The following CHD6 variants were observed in gnomAD, a reference collection of about 807,000 sequenced individuals.
CHD6 encodes chromodomain helicase DNA binding protein 6.
In CHD6, 50 loss-of-function variants were observed where a neutral mutation model predicts 276.9. That is an observed-to-expected ratio of 0.18 (90% CI 0.14 to 0.23). The LOEUF is 0.23. CHD6 is among the 10% of genes least tolerant of loss of function. CHD6 has a pLI of 1.00. For synonymous variants in CHD6, 1,173 were observed against 1,229.3 expected, an observed-to-expected ratio of 0.95 and a Z score of 0.96; for missense variants, 2,564 against 3,365.8, an observed-to-expected ratio of 0.76 and a Z score of 5.89.
chr20:41,578,239 A>C (rs1006038468), intron 1 of CHD6, among the ~76,000 whole-genome samples: 2 of 152,194 alleles, frequency 1.3e-5, no homozygotes, highest in African/African-American at 4.8e-5. Flanking sequence ...GTTACCATAA[A>C]ACTGTTTAAA....
intron 5 of CHD6, among the ~76,000 whole-genome samples, chr20:41,506,644 TTTA>T (rs1971285993): frequency 6.6e-6 from 1 of 152,172 alleles, no homozygotes; most frequent in African/African-American, 2.4e-5. Flanking sequence ...TTATTTAAGG[TTTA>T]TTAACAGCCT....
intron 2 of CHD6, among the ~76,000 whole-genome samples, chr20:41,546,361 T>C (rs1231646089): frequency 6.6e-6 from 1 of 152,172 alleles, no homozygotes; most frequent in Non-Finnish European, 1.5e-5. Context: ...CCGTAGTTAC[T>C]CAAGTCAGCT....
chr20:41,546,791 T>C (rs2045051431), intron 2 of CHD6, among the ~76,000 whole-genome samples: 2 of 152,258 alleles, frequency 1.3e-5, no homozygotes, highest in Non-Finnish European at 2.9e-5. Context: ...TTCTTTTTAA[T>C]GTAGATAAAA....
At chr20:41,595,940 C>T (rs1426248238) in intron 1 of CHD6, among the ~76,000 whole-genome samples, 2 of 152,022 alleles carry the variant, frequency 1.3e-5, no homozygotes, top group African/African-American at 2.4e-5. Flanking sequence ...CTCCTCTACC[C>T]CCTAAAAGCT....
At chr20:41,451,762 A>T (rs1012926858) in intron 22 of CHD6, 64 bp downstream of exon 22, 23 of 1,400,232 alleles carry the variant, frequency 1.6e-5, no homozygotes, top group Non-Finnish European at 2.3e-5. Context: ...ACGGCCCCGC[A>T]GAGGAAGAGG....
rs1208768673 is a variant in CHD6 at position 41,421,602 on chromosome 20, G to A, written c.5033C>T (p.Thr1678Ile). The A allele has an allele frequency of 9.3e-6, 15 of 1,613,718 alleles. No homozygotes were observed. Among genetic ancestry groups the A allele is most frequent in the Non-Finnish European group, 1.2e-5 (14 of 1,179,952 alleles). Residue 1678 changes from threonine (T) to isoleucine (I), a missense_variant, in exon 31 of 37, where the codon ACA becomes ATA. Thr to Ile is a moderately conservative substitution (Grantham distance 89, BLOSUM62 -1). This residue lies in a region of CHD6 where 1,024 missense variants were observed against 1,047.9 expected (regional missense o/e 0.98). Transcript: ENST00000373233. ...AACTTTAGAAATAAAGTTTTCACATGTCACATCAGGCAGGCTGAGATGATC... is the reference window on the plus strand; with the variant it reads ...AACTTTAGAAATAAAGTTTTCACATATCACATCAGGCAGGCTGAGATGATC... Reference protein sequence around the residue: ...RDDHLSLPDVTCENFISKVQD... With the variant: ...RDDHLSLPDVICENFISKVQD...
chr20:41,576,679 A>G (rs1049067120), intron 1 of CHD6, among the ~76,000 whole-genome samples: 3 of 152,192 alleles, frequency 2.0e-5, no homozygotes, highest in African/African-American at 4.8e-5. Context: ...GTCTCCCCCC[A>G]GCAAAAAAAG....
rs540525385 is a variant in CHD6, at chr20:41,435,554, T to C, written c.4068+1720A>G. Among the ~76,000 whole-genome samples, 5 of 149,704 alleles carry C rather than the reference T, an allele frequency of 3.3e-5. No individual in the cohort carries two copies. In the East Asian group the frequency reaches 5.8e-4, roughly 17 times the overall value. On this transcript the variant is annotated intron_variant, in intron 27 of 36. Coordinates refer to ENST00000373233, the MANE Select transcript of CHD6 (RefSeq NM_032221.5). The stretch of plus-strand genomic sequence containing the variant: ...GGGAGGTTGAGGCTTTAGTGAGCTA[T>C]GATTGCATCACCACACTCCAGTCTA...
intron 16 of CHD6, among the ~76,000 whole-genome samples, chr20:41,476,063 GC>G (rs1300405190): frequency 6.6e-6 from 1 of 152,090 alleles, no homozygotes; most frequent in East Asian, 1.9e-4. Flanking sequence ...CTCTGGCCAT[GC>G]CCTCATTCCT....
chr20:41,615,970 G>A (rs552716404), intron 1 of CHD6, among the ~76,000 whole-genome samples: 1 of 152,320 alleles, frequency 6.6e-6, no homozygotes, highest in East Asian at 1.9e-4. Context: ...GTTTCTGATA[G>A]GTTTTCTGCA....
At chr20:41,607,528 A>G (rs774584376) in intron 1 of CHD6, among the ~76,000 whole-genome samples, 2 of 152,348 alleles carry the variant, frequency 1.3e-5, no homozygotes, top group Non-Finnish European at 2.9e-5. Context: ...AATGAATAAT[A>G]TAAGAAAAGA....
At chr20:41,407,756 AG>A (rs1410864903) in intron 36 of CHD6, among the ~76,000 whole-genome samples, 5 of 152,228 alleles carry the variant, frequency 3.3e-5, no homozygotes, top group Non-Finnish European at 7.3e-5. Context: ...GTGGGCACTC[AG>A]CAGCGAGGGG....
chr20:41,601,085 C>A (rs1425991936), intron 1 of CHD6, among the ~76,000 whole-genome samples: 8 of 152,186 alleles, frequency 5.3e-5, no homozygotes, highest in Non-Finnish European at 1.2e-4. Flanking sequence ...GTGACTGTTA[C>A]CTGCCTGACA....
chr20:41,414,994 T>G (rs1026406496), intron 34 of CHD6, 192 bp downstream of exon 34: 12 of 1,424,364 alleles, frequency 8.4e-6, no homozygotes, highest in Non-Finnish European at 1.1e-5. Flanking sequence ...GTAAGCAGAT[T>G]AAGCGCCATT....
intron 26 of CHD6, 34 bp from the exon 27 acceptor site, chr20:41,437,368 C>T: frequency 6.8e-7 from 1 of 1,472,774 alleles, no homozygotes; most frequent in Non-Finnish European, 9.5e-7. Context: ...TCACATACTA[C>T]CTAGGTCCCC....
intron 1 of CHD6, among the ~76,000 whole-genome samples, chr20:41,569,765 TACA>T (rs753090382): frequency 3.0e-4 from 46 of 152,216 alleles, no homozygotes; most frequent in Admixed American, 1.8e-3. Flanking sequence ...TAAAATACAG[TACA>T]ACAACTATTT....
In CHD6 at chr20:41,405,006, T is replaced by G. The variant is rs772343114; in HGVS notation, c.7735A>C (p.Lys2579Gln). 40 of 1,614,126 alleles carry G rather than the reference T, an allele frequency of 2.5e-5. No individual in the cohort carries two copies. In the Admixed American group the frequency reaches 6.5e-4, roughly 26 times the overall value. ...AEDKPSSHDV[K>Q]TDTLAEDKPG... Reference sequence around the variant, plus strand: ...TTGTCCTCAGCTAAAGTGTCTGTTTTCACATCATGGCTACTCGGCTTGTCT... The same window carrying G: ...TTGTCCTCAGCTAAAGTGTCTGTTTGCACATCATGGCTACTCGGCTTGTCT... Residue 2579 changes from lysine (K) to glutamine (Q), a missense_variant, in exon 37 of 37, where the codon AAA (lysine) becomes CAA (glutamine). By Grantham distance (53) the Lys-to-Gln change is moderately conservative. This residue lies in a region of CHD6 where 238 missense variants were observed against 266.0 expected (regional missense o/e 0.89). Transcript: ENST00000373233.
Position 41,450,920 on chromosome 20 carries a change from AGGGTATG to A in CHD6, c.3683+19_3683+25del. Reference sequence around the variant, plus strand: ...AAGCAGTCTGAGCCGGGCTGCCACCAGGGTATGGGGAGGAGGGACACTCACTTGTTGC... The same window carrying A: ...AAGCAGTCTGAGCCGGGCTGCCACCAGGGAGGAGGGACACTCACTTGTTGC... On this transcript the variant is annotated intron_variant, in intron 23 of 36. Coordinates refer to ENST00000373233, the MANE Select transcript of CHD6 (RefSeq NM_032221.5). 6.3e-7 allele frequency: 1 copy of A among 1,594,510 alleles called. No individual in the cohort carries two copies. The highest frequency in any genetic ancestry group is 8.6e-7 in the Non-Finnish European group (1 of 1,166,710).
intron 1 of CHD6, chr20:41,563,985 T>C: frequency 1.3e-6 from 1 of 762,490 alleles, no homozygotes; most frequent in Non-Finnish European, 2.4e-6. Flanking sequence ...TACATTTTAA[T>C]GTCTTTTGTG....
Sources: gnomAD v4.1 joint callset for allele counts (sites outside exome capture counted in the v4.1 genomes callset) on GRCh38, gnomAD v4.1.1 for gene constraint, gnomAD v4.1.1 regional missense constraint, MANE v1.5 for transcripts, NCBI Gene and HGNC (gene_info 2026-07-23, HGNC 2026-07-21) for gene names.